Variants in DOCK2 observed in about 807,000 individuals in gnomAD.
The protein encoded by DOCK2 is dedicator of cytokinesis protein 2.
A neutral mutation model predicts 248.9 loss-of-function variants in DOCK2; 87 were observed. The observed-to-expected ratio is 0.35, with a 90% CI of 0.29 to 0.42. The LOEUF is 0.42. Among genes scored for constraint, DOCK2 ranks in the 10% least tolerant of loss-of-function variants. DOCK2 has a pLI of 1.00. For missense variants in DOCK2, 1,747 were observed against 2,300.2 expected, an observed-to-expected ratio of 0.76 and a Z score of 4.92; for synonymous variants, 805 against 821.6, an observed-to-expected ratio of 0.98 and a Z score of 0.35.
intron 26 of DOCK2, among the ~76,000 whole-genome samples, chr5:169,803,989 C>T (rs1390544421): frequency 6.6e-6 from 1 of 152,154 alleles, no homozygotes; most frequent in African/African-American, 2.4e-5. Context: ...GGTATTCAGT[C>T]CTTAGATGGG....
intron 27 of DOCK2, among the ~76,000 whole-genome samples, chr5:169,912,734 C>T (rs755955491): frequency 9.2e-5 from 14 of 151,812 alleles, no homozygotes; most frequent in Non-Finnish European, 1.8e-4. Flanking sequence ...TTGTCCAATG[C>T]CATGTAGTTT....
intron 29 of DOCK2, among the ~76,000 whole-genome samples, 156 bp downstream of exon 29, chr5:169,986,078 C>T (rs1370498815): frequency 6.6e-6 from 1 of 152,124 alleles, no homozygotes; most frequent in Non-Finnish European, 1.5e-5. Flanking sequence ...GGGAAGGACT[C>T]CTCACCAATC....
rs151288539 is a variant in DOCK2 at position 169,966,279 on chromosome 5, T to TA, written c.2800-16787dup. Among the ~76,000 whole-genome samples the TA allele has an allele frequency of 3.0e-3, 464 of 152,282 alleles. 3 individuals carry two copies. The highest frequency in any genetic ancestry group is 4.5e-3 in the Non-Finnish European group (305 of 68,026). ...TAAAATGGGCTGCAAATGTGTACAG[T>TA]AAGATTATTTTGGGGGGCGGGGGTT... On this transcript the variant is annotated intron_variant, in intron 27 of 51. Coordinates refer to ENST00000520908, the MANE Select transcript of DOCK2 (RefSeq NM_004946.3).
At chr5:169,814,349 T>A (rs934202499) in intron 26 of DOCK2, among the ~76,000 whole-genome samples, 1 of 152,112 alleles carries the variant, frequency 6.6e-6, no homozygotes. Context: ...AAACCCTAAC[T>A]GAGGATTGAA....
chr5:170,062,100 A>AGTGTGTGTGT (rs148650076), intron 44 of DOCK2, among the ~76,000 whole-genome samples: 17 of 144,518 alleles, frequency 1.2e-4, no homozygotes, highest in African/African-American at 4.4e-4. Flanking sequence ...TATGTATATG[A>AGTGTGTGTGT]GTGTGTGTGT....
intron 27 of DOCK2, among the ~76,000 whole-genome samples, chr5:169,933,293 G>T (rs2113687423): frequency 6.6e-6 from 1 of 152,318 alleles, no homozygotes; most frequent in East Asian, 1.9e-4. Context: ...TGTCAGCCCT[G>T]GCTGCACATT....
chr5:169,802,280 G>A (rs913667118), intron 25 of DOCK2, among the ~76,000 whole-genome samples: 1 of 152,148 alleles, frequency 6.6e-6, no homozygotes, highest in Non-Finnish European at 1.5e-5. Flanking sequence ...TCCTGCCTCA[G>A]CCTCCCAAAG....
intron 13 of DOCK2, among the ~76,000 whole-genome samples, chr5:169,701,165 A>T (rs947794794): frequency 1.3e-5 from 2 of 152,202 alleles, no homozygotes; most frequent in Non-Finnish European, 2.9e-5. Flanking sequence ...CTCTGTCTAT[A>T]AAGCCAACCT....
rs1042957455 is a variant in DOCK2 at position 169,684,107 on chromosome 5, A to C, written c.607-89A>C. 5 of 1,519,254 alleles carry C rather than the reference A, an allele frequency of 3.3e-6. No homozygotes were observed. The African/African-American group carries it at 5.5e-5, about 17-fold the overall frequency. The allele number at this position is 1,519,254 out of a possible 1,614,324, so 94.1% of individuals were successfully genotyped here. On this transcript the variant is annotated intron_variant, in intron 7 of 51. Coordinates refer to ENST00000520908, the MANE Select transcript of DOCK2 (RefSeq NM_004946.3). ...TGGAATGCCCAAACTTTAGGCTTGA[A>C]CCCAATATCCTTGACTATCTCTCTG...
intron 27 of DOCK2, among the ~76,000 whole-genome samples, chr5:169,856,320 A>G (rs1436925612): frequency 1.3e-5 from 2 of 152,202 alleles, no homozygotes; most frequent in East Asian, 3.8e-4. Context: ...GCTCTTTGGT[A>G]CTAGGGTAGT....
At position 170,076,744 on chromosome 5, in the gene DOCK2, G is replaced by A. The variant is rs558683981; in HGVS notation, c.4866+660G>A. 6.6e-5 allele frequency among the ~76,000 whole-genome samples: 10 copies of A among 152,342 alleles called. No homozygotes were observed. The South Asian group carries it at 2.1e-3, about 32-fold the overall frequency. On this transcript the variant is annotated intron_variant, in intron 47 of 51. Transcript: ENST00000520908. Reference sequence around the variant, plus strand: ...TAAAACTGAGACCCAGAGAAGAAAAGTGAATTACTGGAAGAACCTACAGAT... The same window carrying A: ...TAAAACTGAGACCCAGAGAAGAAAAATGAATTACTGGAAGAACCTACAGAT...
chr5:169,653,740 G>A (rs1757936750), intron 1 of DOCK2, among the ~76,000 whole-genome samples: 1 of 152,232 alleles, frequency 6.6e-6, no homozygotes, highest in Admixed American at 6.5e-5. Context: ...CATCCATCAG[G>A]TCATTGCAGG....
intron 27 of DOCK2, among the ~76,000 whole-genome samples, chr5:169,932,865 T>TA (rs34887864): frequency 0.098 from 14,745 of 151,098 alleles, 782 homozygotes; most frequent in African/African-American, 0.15. Flanking sequence ...CAGGGCCAAA[T>TA]AAAAAAAAAT....
chr5:169,936,836 A>C (rs1776023072), intron 27 of DOCK2, among the ~76,000 whole-genome samples: 1 of 152,226 alleles, frequency 6.6e-6, no homozygotes, highest in Non-Finnish European at 1.5e-5. Context: ...ACTCAATTTA[A>C]ATAACAATTT....
rs1235157238 is a variant in DOCK2, at chr5:169,704,892, C to T, written c.1383+2465C>T. ...AAAATAAACATGCTGCTGGGCACAG[C>T]GGCTCACACCTGTAATCCCAGCACT... On this transcript the variant is annotated intron_variant, in intron 14 of 51. Coordinates refer to ENST00000520908, the MANE Select transcript of DOCK2 (RefSeq NM_004946.3). Among the ~76,000 whole-genome samples, 8 of 151,732 alleles carry T rather than the reference C, an allele frequency of 5.3e-5. 1 individual carries two copies. The South Asian group carries it at 1.5e-3, about 28-fold the overall frequency.
intron 21 of DOCK2, among the ~76,000 whole-genome samples, chr5:169,717,926 G>T (rs1018019472): frequency 6.6e-6 from 1 of 152,186 alleles, no homozygotes; most frequent in African/African-American, 2.4e-5. Flanking sequence ...GCTGAGCATG[G>T]TGGTGGGAGC....
intron 27 of DOCK2, chr5:169,980,308 G>C (rs1777894624): frequency 6.6e-6 from 1 of 152,130 alleles, no homozygotes; most frequent in Non-Finnish European, 1.5e-5. Context: ...GCAGAGGATG[G>C]TCCCCCTTCC....
At chr5:169,672,199 G>T (rs756044343) in intron 5 of DOCK2, among the ~76,000 whole-genome samples, 3 of 151,606 alleles carry the variant, frequency 2.0e-5, no homozygotes, top group Non-Finnish European at 4.4e-5. Context: ...GTAGAGATGG[G>T]GTTTCATCAT....
intron 27 of DOCK2, among the ~76,000 whole-genome samples, chr5:169,933,996 G>A (rs1393968111): frequency 6.6e-6 from 1 of 152,136 alleles, no homozygotes; most frequent in Non-Finnish European, 1.5e-5. Flanking sequence ...GGCATCTATT[G>A]CTAATGTTAG....
Sources: gnomAD v4.1 joint callset for allele counts (sites outside exome capture counted in the v4.1 genomes callset) on GRCh38, gnomAD v4.1.1 for gene constraint, MANE v1.5 for transcripts, NCBI Gene and HGNC (gene_info 2026-07-23, HGNC 2026-07-21) for gene names.